The following SGCA variants were observed in gnomAD, a reference collection of about 807,000 sequenced individuals.
The protein encoded by SGCA is alpha-sarcoglycan.
A neutral mutation model predicts 38.1 loss-of-function variants in SGCA; 34 were observed. The observed-to-expected ratio is 0.89, with a 90% CI of 0.68 to 1.19. SGCA has a LOEUF of 1.19. SGCA is among the 50% of genes most tolerant of loss of function. The pLI is 0.00. For missense variants in SGCA, 476 were observed against 524.9 expected, an observed-to-expected ratio of 0.91 and a Z score of 0.91; for synonymous variants, 209 against 214.6, an observed-to-expected ratio of 0.97 and a Z score of 0.23.
In SGCA at chr17:50,170,427, G is replaced by A. The variant is rs1235018181; in HGVS notation, c.956+76G>A. ...TGGGACTCACAGTGGCACTTGTGCT[G>A]TATGGGACCCAGACACCATGGGAAT... On this transcript the variant is annotated intron_variant, in intron 7 of 9. Coordinates refer to ENST00000262018, the MANE Select transcript of SGCA (RefSeq NM_000023.4). 2.0e-6 allele frequency: 3 copies of A among 1,468,838 alleles called. No individual in the cohort carries two copies. The African/African-American group carries it at 4.2e-5, about 20-fold the overall frequency. The allele number at this position is 1,468,838 out of a possible 1,614,324, so 91.0% of individuals were successfully genotyped here. A position where few individuals can be genotyped will look rare whatever the true frequency, so the allele number is the denominator to read the frequency against.
chr17:50,170,223 C>A lies in SGCA; in HGVS notation c.828C>A (p.Cys276Ter), dbSNP rs2144500924. 6.2e-7 allele frequency: 1 copy of A among 1,614,130 alleles called. No homozygotes were observed. The highest frequency in any genetic ancestry group is 8.5e-7 in the Non-Finnish European group (1 of 1,179,990). Residue 276 changes from cysteine to a stop codon, truncating the protein, a stop_gained, in exon 7 of 10, where the codon TGC (cysteine) becomes TGA (stop). Coordinates refer to ENST00000262018, the MANE Select transcript of SGCA (RefSeq NM_000023.4). LOFTEE classifies it high-confidence loss of function. Reference sequence around the variant, plus strand: ...TCCTGGAGCATGACCCGTTCTTCTGCCCACCCACTGAGGCCCCAGACCGTG... The same window carrying A: ...TCCTGGAGCATGACCCGTTCTTCTGACCACCCACTGAGGCCCCAGACCGTG... ...DGILEHDPFF[C>*]PPTEAPDRDF...
Position 50,166,375 on chromosome 17 carries a change from G to A in SGCA, c.37+298G>A, listed in dbSNP as rs2412299. On this transcript the variant is annotated intron_variant, in intron 1 of 9. Coordinates refer to ENST00000262018, the MANE Select transcript of SGCA (RefSeq NM_000023.4). ...GGCCCTTTAATGAGCTGGCTGGGCCGCAGCTTCTAAGCCCAGGCTAAATTT... is the reference window on the plus strand; with the variant it reads ...GGCCCTTTAATGAGCTGGCTGGGCCACAGCTTCTAAGCCCAGGCTAAATTT... Among the ~76,000 whole-genome samples the A allele has an allele frequency of 0.54, 82,297 of 151,914 alleles. 23,796 individuals are homozygous for A. Among genetic ancestry groups the A allele is most frequent in the Middle Eastern group, 0.68 (201 of 294 alleles).
chr17:50,171,852 C>T (rs1373897490), intron 8 of SGCA: 1 of 456,676 alleles, frequency 2.2e-6, no homozygotes, highest in Non-Finnish European at 4.4e-6. Context: ...GTCCCCTTGT[C>T]CGCCACAGCC....
chr17:50,166,154 AG>A lies in SGCA; in HGVS notation c.37+80del, dbSNP rs763279422. The A allele has an allele frequency of 2.4e-6, 3 of 1,233,332 alleles. No individual in the cohort carries two copies. In the African/African-American group the frequency reaches 4.4e-5, roughly 18 times the overall value. 76.4% of individuals were successfully genotyped at this position (1,233,332 alleles called of 1,614,324 possible). A position where few individuals can be genotyped will look rare whatever the true frequency, so the allele number is the denominator to read the frequency against. Reference sequence around the variant, plus strand: ...TAGGGGTGGTAAGACGGAGGTGTGGAGGGCCCACAGAAGAGGGATCTGGGTT... The same window carrying A: ...TAGGGGTGGTAAGACGGAGGTGTGGAGGCCCACAGAAGAGGGATCTGGGTT... On this transcript the variant is annotated intron_variant, in intron 1 of 9. Transcript: ENST00000262018.
At chr17:50,170,099 T>C in intron 6 of SGCA, 44 bp from the exon 7 acceptor site, 1 of 1,568,504 alleles carries the variant, frequency 6.4e-7, no homozygotes, top group Non-Finnish European at 8.8e-7. Flanking sequence ...GACCTCTGTG[T>C]CCAGCCAGCC....
intron 8 of SGCA, chr17:50,172,163 G>C: frequency 2.2e-6 from 1 of 456,892 alleles, no homozygotes; most frequent in Non-Finnish European, 4.4e-6. Context: ...CTTGAGCTCC[G>C]GCCCTCACCT....
In SGCA at chr17:50,167,896, T is replaced by A. The variant is rs774478786; in HGVS notation, c.313-51T>A. 1 of 1,581,528 alleles carries A rather than the reference T, an allele frequency of 6.3e-7. No individual in the cohort carries two copies. Among genetic ancestry groups the A allele is most frequent in the East Asian group, 2.2e-5 (1 of 44,696 alleles). ...GTCCTCTCCTGCCAGGCCCCCGCTG[T>A]GCCACGTTTCTCCCCTAACCCACTT... On this transcript the variant is annotated intron_variant, in intron 3 of 9. Coordinates refer to ENST00000262018, the MANE Select transcript of SGCA (RefSeq NM_000023.4). The surrounding 1 kb of genome is among the most constrained non-coding windows in gnomAD (Gnocchi z 4.5).
chr17:50,172,329 C>T (rs1200385223), intron 8 of SGCA: 1 of 451,078 alleles, frequency 2.2e-6, no homozygotes, highest in African/African-American at 2.0e-5. Context: ...ATTGTTTCCT[C>T]CGGGGAGGGG....
In SGCA at chr17:50,167,743, T is replaced by TC. The variant is rs767726021; in HGVS notation, c.312+8dup. On this transcript the variant is annotated splice_region_variant and intron_variant, in intron 3 of 9. Transcript: ENST00000262018. The surrounding 1 kb of genome is among the most constrained non-coding windows in gnomAD (Gnocchi z 4.5). ...TGGGCTCCAGGTCATTGAGGTGCCG[T>TC]CAGGGACCCTGAGAAAATCACAGGG... 1.2e-6 allele frequency: 2 copies of TC among 1,605,380 alleles called. No homozygotes were observed. The highest frequency in any genetic ancestry group is 2.7e-5 in the African/African-American group (2 of 74,610).
chr17:50,173,417 G>T (rs1004551964), intron 8 of SGCA, among the ~76,000 whole-genome samples: 3 of 133,082 alleles, frequency 2.3e-5, no homozygotes, highest in South Asian at 2.9e-4. Flanking sequence ...GTGTCTGTGC[G>T]TGTGCCTGAG....
At chr17:50,171,757 C>T (rs1905424671) in intron 8 of SGCA, 1 of 456,724 alleles carries the variant, frequency 2.2e-6, no homozygotes, top group African/African-American at 2.0e-5. Context: ...TGAGCACACG[C>T]TTGAAGTGAT....
intron 8 of SGCA, chr17:50,171,756 G>T: frequency 6.6e-6 from 3 of 456,810 alleles, no homozygotes; most frequent in East Asian, 1.4e-4. Flanking sequence ...TTGAGCACAC[G>T]CTTGAAGTGA....
At position 50,167,660 on chromosome 17, in the gene SGCA, C is replaced by G. The variant is rs1455716452; in HGVS notation, c.236C>G (p.Thr79Ser). Residue 79 changes from threonine (T) to serine (S), a missense_variant, in exon 3 of 10, where the codon ACC (threonine) becomes AGC (serine). Physicochemically the swap from Thr to Ser is moderately conservative, Grantham distance 58. Coordinates refer to ENST00000262018, the MANE Select transcript of SGCA (RefSeq NM_000023.4). This position sits in a 1 kb window ranked among gnomAD's most constrained non-coding sequence, Gnocchi z 4.5. ...GACCTGCCCCGGTGGCTCCGCTACA[C>G]CCAGCGCAGCCCCCACCACCCTGGC... is the stretch of plus-strand genomic sequence containing the variant. ...HPDLPRWLRY[T>S]QRSPHHPGFL... 1.2e-6 allele frequency: 2 copies of G among 1,613,900 alleles called. No homozygotes were observed. The highest frequency in any genetic ancestry group is 1.1e-5 in the South Asian group (1 of 91,066).
chr17:50,170,429 A>G (rs928835463), intron 7 of SGCA, 78 bp downstream of exon 7: 5 of 1,460,744 alleles, frequency 3.4e-6, no homozygotes, highest in Non-Finnish European at 4.8e-6. Context: ...CTTGTGCTGT[A>G]TGGGACCCAG....
Position 50,169,254 on chromosome 17 carries a change from G to A in SGCA, c.747G>A (p.Leu249=). ...HFRVDWCNVT[L]VDKSVPEPAD... is the part of the protein sequence containing the mutation. ...GCGTTGACTGGTGCAATGTGACCCTGGTGAGGAGGGACCCTGGGTCCGGGG... is the reference window on the plus strand; with the variant it reads ...GCGTTGACTGGTGCAATGTGACCCTAGTGAGGAGGGACCCTGGGTCCGGGG... The change falls in exon 6 of 10, where the codon CTG becomes CTA. Residue 249 remains leucine, a splice_region_variant and synonymous_variant. Coordinates refer to ENST00000262018, the MANE Select transcript of SGCA (RefSeq NM_000023.4). The A allele has an allele frequency of 1.9e-6, 3 of 1,609,706 alleles. No homozygotes were observed. The highest frequency in any genetic ancestry group is 2.5e-6 in the Non-Finnish European group (3 of 1,176,492).
chr17:50,166,220 C>T (rs1904791615), intron 1 of SGCA, 143 bp downstream of exon 1: 5 of 717,524 alleles, frequency 7.0e-6, no homozygotes, highest in Admixed American at 2.1e-5. Context: ...GGTGTTAATG[C>T]CATGGCCAGC....
chr17:50,171,703 G>GC (rs746566047), intron 8 of SGCA: 10 of 456,768 alleles, frequency 2.2e-5, no homozygotes, highest in South Asian at 1.4e-4. Flanking sequence ...GGAGCCTGAG[G>GC]CCCCCCTGCC....
At chr17:50,174,987 G>GGGTT (rs1166536680) in intron 8 of SGCA, among the ~76,000 whole-genome samples, 1 of 151,988 alleles carries the variant, frequency 6.6e-6, no homozygotes, top group Non-Finnish European at 1.5e-5. Flanking sequence ...TGTAGAAACA[G>GGGTT]GGTTTCACCG....
At chr17:50,170,591 TG>T in intron 7 of SGCA, 48 bp from the exon 8 acceptor site, 1 of 1,548,042 alleles carries the variant, frequency 6.5e-7, no homozygotes, top group South Asian at 1.2e-5. Flanking sequence ...TGGGGCACCT[TG>T]GGGCGAAACC....
Sources: gnomAD v4.1 joint callset for allele counts (sites outside exome capture counted in the v4.1 genomes callset) on GRCh38, gnomAD v4.1.1 for gene constraint, Gnocchi (gnomAD v3.1) non-coding constraint, MANE v1.5 for transcripts, NCBI Gene and HGNC (gene_info 2026-07-23, HGNC 2026-07-21) for gene names.